TYR: variants seen among roughly 807,000 people sequenced by gnomAD.
TYR encodes the protein tyrosinase.
In TYR, 58 loss-of-function variants were observed where a neutral mutation model predicts 51.5. The observed-to-expected ratio is 1.13, with a 90% CI of 0.91 to 1.40. The LOEUF is 1.40. TYR is among the 40% of genes most tolerant of loss of function. The pLI, the probability that TYR is intolerant of heterozygous loss-of-function variation, is 0.00. For synonymous variants in TYR, 263 were observed against 235.2 expected (o/e 1.12, Z -1.08); for missense variants, 732 against 647.4 (o/e 1.13, Z -1.42).
intron 3 of TYR, among the ~76,000 whole-genome samples, chr11:89,240,290 G>A (rs932769470): frequency 1.3e-4 from 20 of 151,808 alleles, no homozygotes; most frequent in African/African-American, 4.4e-4. Context: ...AAAACATAAA[G>A]GATCCAATTG....
intron 2 of TYR, among the ~76,000 whole-genome samples, chr11:89,195,412 C>T (rs1943504104): frequency 1.3e-5 from 2 of 152,258 alleles, no homozygotes; most frequent in East Asian, 1.9e-4. Flanking sequence ...GGTGTGGTGG[C>T]TCACGCCTGT....
intron 2 of TYR, among the ~76,000 whole-genome samples, chr11:89,220,208 T>C (rs1310285002): frequency 6.6e-6 from 1 of 152,150 alleles, no homozygotes; most frequent in Non-Finnish European, 1.5e-5. Context: ...AGTGCTGACA[T>C]CTGCCTGGCT....
At chr11:89,239,271 T>C (rs1004632496) in intron 3 of TYR, among the ~76,000 whole-genome samples, 2 of 152,130 alleles carry the variant, frequency 1.3e-5, no homozygotes, top group African/African-American at 4.8e-5. Flanking sequence ...TATTGGTCTA[T>C]TAAGATTTTC....
At chr11:89,267,332 A>G (rs1015524947) in intron 3 of TYR, among the ~76,000 whole-genome samples, 1 of 152,008 alleles carries the variant, frequency 6.6e-6, no homozygotes, top group African/African-American at 2.4e-5. Context: ...TCCATCAGAT[A>G]CACGTTCTTG....
intron 2 of TYR, among the ~76,000 whole-genome samples, chr11:89,227,503 T>C (rs1431149874): frequency 6.6e-6 from 1 of 152,182 alleles, no homozygotes; most frequent in East Asian, 1.9e-4. Flanking sequence ...CTGGTTATTA[T>C]AAAATGTTCC....
intron 3 of TYR, among the ~76,000 whole-genome samples, chr11:89,273,254 C>A (rs1944611827): frequency 6.6e-6 from 1 of 151,874 alleles, no homozygotes; most frequent in Non-Finnish European, 1.5e-5. Flanking sequence ...TTTAAAGTGA[C>A]TCTTCCTTTC....
At chr11:89,201,090 C>G (rs1943593336) in intron 2 of TYR, among the ~76,000 whole-genome samples, 2 of 152,136 alleles carry the variant, frequency 1.3e-5, no homozygotes, top group African/African-American at 4.8e-5. Flanking sequence ...TATTCAAAAT[C>G]ACATTATTAA....
chr11:89,238,880 T>C (rs1944156280), intron 3 of TYR, among the ~76,000 whole-genome samples: 1 of 152,200 alleles, frequency 6.6e-6, no homozygotes, highest in Non-Finnish European at 1.5e-5. Context: ...TTCACAAATA[T>C]AACTGTGAAA....
intron 3 of TYR, among the ~76,000 whole-genome samples, chr11:89,239,719 A>G (rs1944166961): frequency 6.6e-6 from 1 of 152,086 alleles, no homozygotes; most frequent in Non-Finnish European, 1.5e-5. Context: ...GCTGCATCCC[A>G]TAAGTTTTAG....
chr11:89,226,270 G>A (rs1296401595), intron 2 of TYR, among the ~76,000 whole-genome samples: 1 of 152,024 alleles, frequency 6.6e-6, no homozygotes, highest in East Asian at 1.9e-4. Context: ...TGTCTAATTT[G>A]TTATTTTACC....
chr11:89,284,550 A>AT (rs1260445595), intron 3 of TYR, among the ~76,000 whole-genome samples: 1 of 151,818 alleles, frequency 6.6e-6, no homozygotes, highest in Non-Finnish European at 1.5e-5. Context: ...CTAAGAAATT[A>AT]TTTTTTCAAA....
chr11:89,204,030 G>A (rs1335175487), intron 2 of TYR, among the ~76,000 whole-genome samples: 1 of 152,148 alleles, frequency 6.6e-6, no homozygotes, highest in Non-Finnish European at 1.5e-5. Context: ...AACCAGGGAG[G>A]AATTAACCAC....
chr11:89,192,499 CT>C lies in TYR; in HGVS notation c.1036+1090del, dbSNP rs202031072. On this transcript the variant is annotated intron_variant, in intron 2 of 4. Transcript: ENST00000263321. ...TGTAATCCTTTCTCCTTGACTTGTT[CT>C]TTTTTTTTCCTTTTTGTCATTGTTT... Among the ~76,000 whole-genome samples, 507 of 151,118 alleles carry C rather than the reference CT, an allele frequency of 3.4e-3. 1 individual carries two copies. The highest frequency in any genetic ancestry group is 6.6e-3 in the African/African-American group (273 of 41,200).
At chr11:89,219,262 C>T (rs995992088) in intron 2 of TYR, among the ~76,000 whole-genome samples, 1 of 150,944 alleles carries the variant, frequency 6.6e-6, no homozygotes, top group Non-Finnish European at 1.5e-5. Context: ...AAACTTATAT[C>T]CAAAGTGTAA....
intron 4 of TYR, among the ~76,000 whole-genome samples, chr11:89,287,360 T>C (rs1944801388): frequency 6.6e-6 from 1 of 151,942 alleles, no homozygotes; most frequent in Non-Finnish European, 1.5e-5. Context: ...TAAAACACTA[T>C]AAGTATTCTA....
At chr11:89,227,579 C>A (rs192156062) in intron 2 of TYR, among the ~76,000 whole-genome samples, 2 of 152,166 alleles carry the variant, frequency 1.3e-5, no homozygotes, top group African/African-American at 4.8e-5. Context: ...CAAATTGGCT[C>A]AACCTCTTTT....
chr11:89,295,254 C>A lies in TYR; in HGVS notation c.1478C>A (p.Ala493Glu). Reference protein sequence around the residue: ...MVGAVLTALLAGLVSLLCRHK... With the variant: ...MVGAVLTALLEGLVSLLCRHK... The stretch of plus-strand genomic sequence containing the variant: ...GGGGCCGTCCTCACTGCCCTGCTGG[C>A]AGGGCTTGTGAGCTTGCTGTGTCGT... The change falls in exon 5 of 5, where the codon GCA becomes GAA. Residue 493 changes from alanine to glutamate, a missense_variant. Transcript: ENST00000263321. 1 of 1,613,948 alleles carries A rather than the reference C, an allele frequency of 6.2e-7. No individual in the cohort carries two copies.
At chr11:89,248,572 G>T (rs1374768250) in intron 3 of TYR, among the ~76,000 whole-genome samples, 1 of 152,150 alleles carries the variant, frequency 6.6e-6, no homozygotes, top group South Asian at 2.1e-4. Flanking sequence ...GCTAAATACG[G>T]TAAACAAGAG....
At chr11:89,252,032 A>G (rs1218982167) in intron 3 of TYR, among the ~76,000 whole-genome samples, 1 of 151,786 alleles carries the variant, frequency 6.6e-6, no homozygotes, top group Non-Finnish European at 1.5e-5. Flanking sequence ...CCTCACTACA[A>G]AATGAGGACA....
Sources: gnomAD v4.1 joint callset for allele counts (sites outside exome capture counted in the v4.1 genomes callset) on GRCh38, gnomAD v4.1.1 for gene constraint, MANE v1.5 for transcripts, NCBI Gene and HGNC (gene_info 2026-07-23, HGNC 2026-07-21) for gene names.